Variants in RAB27B observed in about 807,000 individuals in gnomAD.
RAB27B encodes RAB27B, member RAS oncogene family, also known as ras-related protein Rab-27B.
RAB27B carries 15 observed loss-of-function variants against 24.6 expected under a neutral mutation model. That is an observed-to-expected ratio of 0.61 (90% CI 0.41 to 0.94). The LOEUF (loss-of-function observed/expected upper bound fraction) is 0.94, where lower values mean the gene tolerates loss of function less well. RAB27B is among the 40% of genes least tolerant of loss of function. The pLI is 0.00. For missense variants in RAB27B, 261 were observed against 266.8 expected, an observed-to-expected ratio of 0.98 and a Z score of 0.15; for synonymous variants, 105 against 92.5, an observed-to-expected ratio of 1.14 and a Z score of -0.78.
At chr18:54,829,186 T>C (rs781313100) in intron 1 of RAB27B, among the ~76,000 whole-genome samples, 9 of 152,216 alleles carry the variant, frequency 5.9e-5, no homozygotes, top group Non-Finnish European at 1.2e-4. Flanking sequence ...GAGTACTTTC[T>C]GTTTTCCAAT....
At chr18:54,787,833 T>G (rs530057061) in intron 2 of RAB27B, among the ~76,000 whole-genome samples, 1 of 152,328 alleles carries the variant, frequency 6.6e-6, no homozygotes, top group African/African-American at 2.4e-5. Context: ...ATGCCTAAGT[T>G]AAGTGTTCAT....
intron 1 of RAB27B, among the ~76,000 whole-genome samples, chr18:54,835,626 G>A (rs979141305): frequency 1.4e-4 from 22 of 152,058 alleles, no homozygotes; most frequent in South Asian, 6.2e-4. Context: ...GGGTTAAAAC[G>A]TAATAAAACA....
At chr18:54,880,398 C>CA (rs1912876053) in intron 3 of RAB27B, 1 of 152,132 alleles carries the variant, frequency 6.6e-6, no homozygotes, top group East Asian at 1.9e-4. Context: ...TTAAAAGTGG[C>CA]AAAAAATTGG....
At chr18:54,828,953 C>T (rs1447385876) in intron 1 of RAB27B, among the ~76,000 whole-genome samples, 3 of 152,066 alleles carry the variant, frequency 2.0e-5, no homozygotes, top group South Asian at 2.1e-4. Context: ...CAGCTGGTTA[C>T]CACCAAAAAA....
At chr18:54,792,204 C>T (rs1909270666) in intron 2 of RAB27B, among the ~76,000 whole-genome samples, 2 of 152,144 alleles carry the variant, frequency 1.3e-5, no homozygotes. Context: ...TAGGCACTGC[C>T]GTGAGGTCGG....
intron 2 of RAB27B, among the ~76,000 whole-genome samples, chr18:54,756,850 T>C (rs1176975798): frequency 6.6e-6 from 1 of 152,212 alleles, no homozygotes; most frequent in East Asian, 1.9e-4. Flanking sequence ...CCTATCATCA[T>C]AGTACTCATC....
In RAB27B at chr18:54,892,200, T is replaced by G. The variant is rs1439881046; in HGVS notation, c.*2787T>G. The stretch of plus-strand genomic sequence containing the variant: ...GTATTTAGGAGAAATGTTGAAAATG[T>G]ACATGAAGCTCCTTTCTGATATAGA... On this transcript the variant is annotated 3_prime_UTR_variant, in exon 6 of 6. Transcript: ENST00000262094. 1.3e-5 allele frequency: 2 copies of G among 152,134 alleles called. No individual in the cohort carries two copies. Among genetic ancestry groups the G allele is most frequent in the African/African-American group, 4.8e-5 (2 of 41,456 alleles). 9.4% of individuals were successfully genotyped at this position (152,134 alleles called of 1,614,324 possible).
chr18:54,762,506 C>T (rs563667369), intron 2 of RAB27B, among the ~76,000 whole-genome samples: 23 of 152,314 alleles, frequency 1.5e-4, no homozygotes, highest in African/African-American at 5.5e-4. Flanking sequence ...CCTACTCCCG[C>T]TCTTGTTCAC....
intron 1 of RAB27B, among the ~76,000 whole-genome samples, chr18:54,831,080 AG>A (rs1910655403): frequency 6.6e-6 from 1 of 152,184 alleles, no homozygotes; most frequent in South Asian, 2.1e-4. Context: ...CTAGATAAGC[AG>A]GGTGAGTCTA....
intron 2 of RAB27B, among the ~76,000 whole-genome samples, chr18:54,767,931 G>A (rs908865796): frequency 9.2e-5 from 14 of 152,088 alleles, no homozygotes; most frequent in African/African-American, 3.4e-4. Flanking sequence ...AGGAGGTGGT[G>A]GGAAAATTAA....
At chr18:54,880,804 G>C (rs1408693989) in intron 3 of RAB27B, 1 of 152,114 alleles carries the variant, frequency 6.6e-6, no homozygotes, top group Non-Finnish European at 1.5e-5. Flanking sequence ...TCCCCTGAAG[G>C]CAGCTGCTGT....
intron 2 of RAB27B, among the ~76,000 whole-genome samples, chr18:54,779,751 G>A (rs1212239280): frequency 2.6e-5 from 4 of 152,136 alleles, no homozygotes; most frequent in Admixed American, 6.5e-5. Context: ...TAGGGCTTCC[G>A]TAATGAAATA....
intron 2 of RAB27B, among the ~76,000 whole-genome samples, chr18:54,796,570 C>T (rs1909427209): frequency 6.6e-6 from 1 of 152,124 alleles, no homozygotes; most frequent in Non-Finnish European, 1.5e-5. Context: ...GGCAGACTCC[C>T]CCCTCTCTCT....
chr18:54,756,211 G>A (rs947403249), intron 2 of RAB27B, among the ~76,000 whole-genome samples: 1 of 152,078 alleles, frequency 6.6e-6, no homozygotes, highest in African/African-American at 2.4e-5. Context: ...GAAAGATGAA[G>A]GAATTACCCA....
In RAB27B at chr18:54,889,981, A is replaced by T. The variant is rs1185068257; in HGVS notation, c.*568A>T. 6.6e-6 allele frequency: 1 copy of T among 152,188 alleles called. No individual in the cohort carries two copies. The highest frequency in any genetic ancestry group is 1.9e-4 in the East Asian group (1 of 5,196). The allele number at this position is 152,188 out of a possible 1,614,324, so 9.4% of individuals were successfully genotyped here. ...GAATAAATTACTGATAAGGTTACAA[A>T]TAGGTAAATGTCACACTTCTGTTAA... On this transcript the variant is annotated 3_prime_UTR_variant, in exon 6 of 6. Transcript: ENST00000262094.
At chr18:54,880,745 C>T (rs1274841082) in intron 3 of RAB27B, 2 of 152,124 alleles carry the variant, frequency 1.3e-5, no homozygotes, top group South Asian at 4.1e-4. Context: ...TCCCATATGT[C>T]CTCGCACATG....
chr18:54,744,264 G>C (rs1486768090), intron 2 of RAB27B, among the ~76,000 whole-genome samples: 4 of 152,106 alleles, frequency 2.6e-5, no homozygotes, highest in African/African-American at 9.7e-5. Context: ...TTAGGGCAAA[G>C]TTTTAGTTAT....
chr18:54,818,850 A>G (rs960357349), intron 2 of RAB27B, among the ~76,000 whole-genome samples: 5 of 152,216 alleles, frequency 3.3e-5, no homozygotes, highest in Admixed American at 2.6e-4. Context: ...ATAAATTCTC[A>G]TAAAACTCAT....
chr18:54,734,809 A>T (rs751878977), intron 2 of RAB27B, among the ~76,000 whole-genome samples: 1 of 152,202 alleles, frequency 6.6e-6, no homozygotes, highest in Non-Finnish European at 1.5e-5. Flanking sequence ...TCGTTTTATA[A>T]GATAAAAGAA....
Sources: gnomAD v4.1 joint callset for allele counts (sites outside exome capture counted in the v4.1 genomes callset) on GRCh38, gnomAD v4.1.1 for gene constraint, MANE v1.5 for transcripts, NCBI Gene and HGNC (gene_info 2026-07-23, HGNC 2026-07-21) for gene names.